Variants in RUFY1 observed in about 807,000 individuals in gnomAD.
RUFY1 encodes RUN and FYVE domain containing 1.
In RUFY1, 54 loss-of-function variants were observed where a neutral mutation model predicts 94.6. That is an observed-to-expected ratio of 0.57 (90% CI 0.46 to 0.72). The LOEUF (loss-of-function observed/expected upper bound fraction) is 0.72. RUFY1 is among the 30% of genes least tolerant of loss of function. RUFY1 has a pLI of 0.00. For missense variants in RUFY1, 883 were observed against 883.9 expected (o/e 1.00, Z 0.01); for synonymous variants, 396 against 347.3 (o/e 1.14, Z -1.56).
chr5:179,594,547 G>T (rs73336105), intron 11 of RUFY1, among the ~76,000 whole-genome samples: 3 of 146,222 alleles, frequency 2.1e-5, no homozygotes, highest in Non-Finnish European at 4.5e-5. Context: ...GGATCACGAC[G>T]TCAGGTGTTC....
At position 179,587,193 on chromosome 5, in the gene RUFY1, C is replaced by T. The variant is rs572225220; in HGVS notation, c.1026+1328C>T. 3.9e-4 allele frequency among the ~76,000 whole-genome samples: 59 copies of T among 152,032 alleles called. 1 individual carries two copies. In the South Asian group the frequency reaches 0.012, roughly 31 times the overall value. ...CTCAACCTCCCAGTAGCTGGGACTA[C>T]AGGTACACACCACCAACACCCGGCT... On this transcript the variant is annotated intron_variant, in intron 8 of 17. Transcript: ENST00000319449.
intron 14 of RUFY1, among the ~76,000 whole-genome samples, chr5:179,601,522 CTT>C (rs1228880111): frequency 2.8e-4 from 39 of 141,758 alleles, no homozygotes; most frequent in Admixed American, 3.6e-4. Context: ...GTTGCTGAAT[CTT>C]TTTTTTTTTT....
chr5:179,559,628 T>G, intron 1 of RUFY1: 1 of 988,330 alleles, frequency 1.0e-6, no homozygotes, highest in Non-Finnish European at 1.2e-6. Flanking sequence ...GCGGGACGCT[T>G]TCCCAGCACG....
In RUFY1 at chr5:179,569,389, C is replaced by A. The variant is rs1401085922; in HGVS notation, c.792C>A (p.Ala264=). The change falls in exon 5 of 18, where the codon GCC becomes GCA. Residue 264 remains alanine (A), a synonymous_variant. Transcript: ENST00000319449. ...GLLVGLNVLD[A]NLCLKGEDLD... ...TGGTGGGACTCAATGTTCTCGATGC[C>A]AATCTCTGCTTGAAAGGAGAAGACT... is the stretch of plus-strand genomic sequence containing the variant. 1.2e-6 allele frequency: 2 copies of A among 1,613,484 alleles called. No individual in the cohort carries two copies. The highest frequency in any genetic ancestry group is 1.7e-6 in the Non-Finnish European group (2 of 1,179,918).
At chr5:179,567,920 G>C (rs550843128) in intron 4 of RUFY1, among the ~76,000 whole-genome samples, 1 of 148,362 alleles carries the variant, frequency 6.7e-6, no homozygotes, top group East Asian at 2.0e-4. Flanking sequence ...ATAATAATTA[G>C]AACATAGTTC....
intron 13 of RUFY1, 37 bp from the exon 14 acceptor site, chr5:179,598,655 C>T (rs776394339): frequency 9.9e-6 from 16 of 1,611,344 alleles, no homozygotes; most frequent in Non-Finnish European, 1.4e-5. Context: ...TGAAAGTCTC[C>T]CACTGAGACT....
In RUFY1 at chr5:179,585,600, A is replaced by C. The variant is rs74293454; in HGVS notation, c.957-196A>C. Among the ~76,000 whole-genome samples the C allele has an allele frequency of 2.4e-4, 37 of 152,242 alleles. No individual in the cohort carries two copies. In the East Asian group the frequency reaches 6.4e-3, roughly 26 times the overall value. Reference sequence around the variant, plus strand: ...CCTCAAAATAAAAAAAGAAAGATTAAATTTTCGGGACAAAACTTATTGAAA... The same window carrying C: ...CCTCAAAATAAAAAAAGAAAGATTACATTTTCGGGACAAAACTTATTGAAA... On this transcript the variant is annotated intron_variant, in intron 7 of 17. Transcript: ENST00000319449.
intron 14 of RUFY1, among the ~76,000 whole-genome samples, chr5:179,601,386 C>G (rs1034873341): frequency 1.3e-5 from 2 of 152,008 alleles, no homozygotes; most frequent in Non-Finnish European, 2.9e-5. Flanking sequence ...CCGGGTTGGC[C>G]TCAAACTCCT....
At chr5:179,579,657 C>CTTTTTCTTTTTTTTTT (rs1554118792) in intron 6 of RUFY1, among the ~76,000 whole-genome samples, 9 of 50,560 alleles carry the variant, frequency 1.8e-4, no homozygotes, top group Non-Finnish European at 1.9e-4. Flanking sequence ...TTTTCTTCTT[C>CTTTTTCTTTTTTTTTT]TTTTTTTTTT....
chr5:179,598,546 T>TGGG, intron 13 of RUFY1, 146 bp from the exon 14 acceptor site: 4 of 876,482 alleles, frequency 4.6e-6, no homozygotes, highest in Non-Finnish European at 5.5e-6. Context: ...CAGGTGACCC[T>TGGG]GGAGGAGAGG....
At chr5:179,602,822 C>T (rs1053536176) in intron 15 of RUFY1, 1 of 152,294 alleles carries the variant, frequency 6.6e-6, no homozygotes, top group African/African-American at 2.4e-5. Context: ...GAGGAACAAA[C>T]TCCCTCTTCT....
chr5:179,578,512 C>T (rs542429381), intron 6 of RUFY1, among the ~76,000 whole-genome samples: 1 of 152,166 alleles, frequency 6.6e-6, no homozygotes, highest in East Asian at 1.9e-4. Context: ...AGCCACCGCG[C>T]CCAGTCTAGT....
chr5:179,592,858 G>A (rs778190728), intron 10 of RUFY1, among the ~76,000 whole-genome samples: 1 of 152,142 alleles, frequency 6.6e-6, no homozygotes, highest in Non-Finnish European at 1.5e-5. Context: ...GCACTCAAAC[G>A]AGACAGATAT....
chr5:179,589,566 A>T lies in RUFY1; in HGVS notation c.1047A>T (p.Arg349=). Residue 349 remains arginine (R), a synonymous_variant, in exon 9 of 18, where the codon CGA becomes CGT. Coordinates refer to ENST00000319449, the MANE Select transcript of RUFY1 (RefSeq NM_025158.5). ...LQEELSAATD[R]ICSLQEEQQQ... ...ATCAGCTTTCAGCTGCAACAGACCG[A>T]ATTTGCTCACTTCAAGAAGAACAGC... The T allele has an allele frequency of 6.2e-7, 1 of 1,614,110 alleles. No homozygotes were observed. The highest frequency in any genetic ancestry group is 1.1e-5 in the South Asian group (1 of 91,076).
At chr5:179,585,932 T>C in intron 8 of RUFY1, 67 bp downstream of exon 8, 1 of 1,290,840 alleles carries the variant, frequency 7.7e-7, no homozygotes. Flanking sequence ...ATCTGTGTAG[T>C]CGGTCTGCGA....
intron 3 of RUFY1, among the ~76,000 whole-genome samples, chr5:179,566,943 A>C (rs573134833): frequency 8.5e-5 from 13 of 152,182 alleles, no homozygotes; most frequent in African/African-American, 3.1e-4. Context: ...AATCCCAGCT[A>C]CTCAGGAGGC....
At chr5:179,562,738 G>A in intron 3 of RUFY1, 74 bp downstream of exon 3, 1 of 813,824 alleles carries the variant, frequency 1.2e-6, no homozygotes. Flanking sequence ...TCAATTCCTT[G>A]CTGATGAAGC....
intron 14 of RUFY1, 68 bp downstream of exon 14, chr5:179,598,889 C>A (rs1464602662): frequency 6.4e-7 from 1 of 1,572,892 alleles, no homozygotes; most frequent in Non-Finnish European, 8.6e-7. Flanking sequence ...ATGCTCCGGG[C>A]AGGCTCCTCT....
At chr5:179,551,416 C>CGTT (rs1245105951) in intron 1 of RUFY1, among the ~76,000 whole-genome samples, 2 of 152,270 alleles carry the variant, frequency 1.3e-5, no homozygotes, top group Non-Finnish European at 2.9e-5. Flanking sequence ...ACTTAGCCCT[C>CGTT]TAACGCCAGA....
Sources: allele counts gnomAD v4.1 joint callset (sites outside exome capture counted in the v4.1 genomes callset), GRCh38; gene constraint gnomAD v4.1.1; transcripts MANE v1.5; gene names NCBI Gene and HGNC (gene_info 2026-07-23, HGNC 2026-07-21).